The following AIF1 variants were observed in gnomAD, a reference collection of about 807,000 sequenced individuals.
AIF1 encodes interferon gamma responsive transcript.
A neutral mutation model predicts 20.6 loss-of-function variants in AIF1; 21 were observed. That is an observed-to-expected ratio of 1.02 (90% CI 0.72 to 1.47). AIF1 has a LOEUF of 1.47. Ranked by LOEUF, AIF1 falls within the 40% of genes most tolerant of loss-of-function variation. The pLI, the probability that AIF1 is intolerant of heterozygous loss-of-function variation, is 0.00. For synonymous variants in AIF1, 52 were observed against 65.8 expected (o/e 0.79, Z 1.01); for missense variants, 161 against 170.5 (o/e 0.94, Z 0.31).
chr6:31,615,655 T>C lies in AIF1; in HGVS notation c.88-15T>C. Reference sequence around the variant, plus strand: ...TGGGGAGGGCCTACCCTGGCTCTTATTTTCCCCTCCATAGCAATTCCTAGA... The same window carrying C: ...TGGGGAGGGCCTACCCTGGCTCTTACTTTCCCCTCCATAGCAATTCCTAGA... On this transcript the variant is annotated splice_polypyrimidine_tract_variant and intron_variant, in intron 2 of 5. Transcript: ENST00000376059. 6.2e-7 allele frequency: 1 copy of C among 1,613,092 alleles called. No homozygotes were observed. The highest frequency in any genetic ancestry group is 1.1e-5 in the South Asian group (1 of 91,004).
rs1188591854 is a variant in AIF1, at chr6:31,616,490, T to C, written c.343T>C (p.Ser115Pro). ...DFLRMMLGKR[S>P]AILKMILMYE... ...TCTCAGGATGATGCTGGGCAAGAGA[T>C]CTGCCATCCTAAAAATGTGAGTGTC... Residue 115 changes from serine to proline, a missense_variant, in exon 5 of 6, where the codon TCT becomes CCT. By Grantham distance (74) the Ser-to-Pro change is moderately conservative (BLOSUM62 -1). Coordinates refer to ENST00000376059, the MANE Select transcript of AIF1 (RefSeq NM_001623.5). This position sits in a 1 kb window ranked among gnomAD's most constrained non-coding sequence, Gnocchi z 4.0. 2 of 1,608,232 alleles carry C rather than the reference T, an allele frequency of 1.2e-6. No homozygotes were observed. The highest frequency in any genetic ancestry group is 8.5e-7 in the Non-Finnish European group (1 of 1,177,272).
In AIF1 at chr6:31,616,355, C is replaced by T. The variant is rs1774363764; in HGVS notation, c.208C>T (p.Leu70=). The change falls in exon 5 of 6, where the codon CTG becomes TTG. Residue 70 remains leucine (L), a synonymous_variant. Coordinates refer to ENST00000376059, the MANE Select transcript of AIF1 (RefSeq NM_001623.5). This position sits in a 1 kb window ranked among gnomAD's most constrained non-coding sequence, Gnocchi z 4.0. ...TCCTCTGCCCCCAGATATCATGTCC[C>T]TGAAACGAATGCTGGAGAAACTTGG... ...NGNGDIDIMS[L]KRMLEKLGVP... is the part of the protein sequence containing the mutation. The T allele has an allele frequency of 1.2e-6, 2 of 1,612,912 alleles. No homozygotes were observed. The highest frequency in any genetic ancestry group is 1.7e-6 in the Non-Finnish European group (2 of 1,180,024).
chr6:31,616,693 C>T lies in AIF1; in HGVS notation c.360-123C>T. The T allele has an allele frequency of 6.6e-7, 1 of 1,526,714 alleles. No homozygotes were observed. Among genetic ancestry groups the T allele is most frequent in the Non-Finnish European group, 8.8e-7 (1 of 1,133,398 alleles). 94.6% of individuals were successfully genotyped at this position (1,526,714 alleles called of 1,614,324 possible). A position where few individuals can be genotyped will look rare whatever the true frequency, so the allele number is the denominator to read the frequency against. On this transcript the variant is annotated intron_variant, in intron 5 of 5. Transcript: ENST00000376059. The surrounding 1 kb of genome is among the most constrained non-coding windows in gnomAD (Gnocchi z 4.0). ...TGGTCCCCAGAAACTCCAACCCCTG[C>T]CCTTCCTCTTCCCCCTTCCACCCTC...
In AIF1 at chr6:31,616,698, C is replaced by T. The variant is rs1774407538; in HGVS notation, c.360-118C>T. The T allele has an allele frequency of 2.1e-5, 32 of 1,534,896 alleles. No individual in the cohort carries two copies. In the South Asian group the frequency reaches 3.9e-4, roughly 19 times the overall value. On this transcript the variant is annotated intron_variant, in intron 5 of 5. Transcript: ENST00000376059. This position sits in a 1 kb window ranked among gnomAD's most constrained non-coding sequence, Gnocchi z 4.0. The stretch of plus-strand genomic sequence containing the variant: ...CCCAGAAACTCCAACCCCTGCCCTT[C>T]CTCTTCCCCCTTCCACCCTCACATC...
chr6:31,616,243 C>A lies in AIF1; in HGVS notation c.196+98C>A, dbSNP rs1774347145. 2 of 1,612,834 alleles carry A rather than the reference C, an allele frequency of 1.2e-6. No homozygotes were observed. The highest frequency in any genetic ancestry group is 1.7e-6 in the Non-Finnish European group (2 of 1,179,942). On this transcript the variant is annotated intron_variant, in intron 4 of 5. Coordinates refer to ENST00000376059, the MANE Select transcript of AIF1 (RefSeq NM_001623.5). This position sits in a 1 kb window ranked among gnomAD's most constrained non-coding sequence, Gnocchi z 4.0. ...CCATTCCTCATGATTTGGGAGGGGG[C>A]CCACCTACCACAGTGGGAGGAAGGA...
At position 31,616,681 on chromosome 6, in the gene AIF1, C is replaced by T. The variant is rs575047532; in HGVS notation, c.360-135C>T. Reference sequence around the variant, plus strand: ...TATCCATAGTCCTGGTCCCCAGAAACTCCAACCCCTGCCCTTCCTCTTCCC... The same window carrying T: ...TATCCATAGTCCTGGTCCCCAGAAATTCCAACCCCTGCCCTTCCTCTTCCC... On this transcript the variant is annotated intron_variant, in intron 5 of 5. Coordinates refer to ENST00000376059, the MANE Select transcript of AIF1 (RefSeq NM_001623.5). This position sits in a 1 kb window ranked among gnomAD's most constrained non-coding sequence, Gnocchi z 4.0. The T allele has an allele frequency of 4.0e-6, 6 of 1,510,262 alleles. No homozygotes were observed. In the Admixed American group the frequency reaches 1.1e-4, roughly 28 times the overall value. The allele number at this position is 1,510,262 out of a possible 1,614,324, so 93.6% of individuals were successfully genotyped here. A position where few individuals can be genotyped will look rare whatever the true frequency, so the allele number is the denominator to read the frequency against.
At position 31,615,874 on chromosome 6, in the gene AIF1, C is replaced by G. The variant is rs1774298036; in HGVS notation, c.154+138C>G. The G allele has an allele frequency of 3.3e-6, 5 of 1,497,890 alleles. No individual in the cohort carries two copies. The South Asian group carries it at 4.0e-5, about 12-fold the overall frequency. The allele number at this position is 1,497,890 out of a possible 1,614,324, so 92.8% of individuals were successfully genotyped here. On this transcript the variant is annotated intron_variant, in intron 3 of 5. Transcript: ENST00000376059. ...AAGGGGAACCTGCCTTTATTGCCCT[C>G]CTGCCACACTGCGGTCCCTTTCCCG... is the stretch of plus-strand genomic sequence containing the variant.
Position 31,616,868 on chromosome 6 carries a change from C to T in AIF1, c.412C>T (p.Pro138Ser), listed in dbSNP as rs1157860016. 6 of 1,614,186 alleles carry T rather than the reference C, an allele frequency of 3.7e-6. No homozygotes were observed. In the African/African-American group the frequency reaches 4.0e-5, roughly 11 times the overall value. ...AGAAAAGGAAAAGCCAACAGGCCCC[C>T]CAGCCAAGAAAGCTATCTCTGAGTT... ...AREKEKPTGP[P>S]AKKAISELP Residue 138 changes from proline to serine, a missense_variant, in exon 6 of 6, where the codon CCA (proline) becomes TCA (serine). By Grantham distance (74) the Pro-to-Ser change is moderately conservative (BLOSUM62 -1). Coordinates refer to ENST00000376059, the MANE Select transcript of AIF1 (RefSeq NM_001623.5). The surrounding 1 kb of genome is among the most constrained non-coding windows in gnomAD (Gnocchi z 4.0).
In AIF1 at chr6:31,616,510, A is replaced by G; in HGVS notation, c.359+4A>G. ...AGAGATCTGCCATCCTAAAAATGTG[A>G]GTGTCAATTTCCAACCTCCCCTGTA... On this transcript the variant is annotated splice_donor_region_variant and intron_variant, in intron 5 of 5. Transcript: ENST00000376059. This position sits in a 1 kb window ranked among gnomAD's most constrained non-coding sequence, Gnocchi z 4.0. 6.2e-7 allele frequency: 1 copy of G among 1,602,270 alleles called. No individual in the cohort carries two copies. The highest frequency in any genetic ancestry group is 8.5e-7 in the Non-Finnish European group (1 of 1,173,864).
Position 31,616,957 on chromosome 6 carries a change from A to C in AIF1, c.*57A>C. 2 of 1,604,532 alleles carry C rather than the reference A, an allele frequency of 1.2e-6. No individual in the cohort carries two copies. The highest frequency in any genetic ancestry group is 1.7e-6 in the Non-Finnish European group (2 of 1,174,458). ...GGGCTTCTAATGACCCAGATATGGA[A>C]ACAGAAGACAAAATTGTAAGCCAGA... On this transcript the variant is annotated 3_prime_UTR_variant, in exon 6 of 6. Transcript: ENST00000376059. This position sits in a 1 kb window ranked among gnomAD's most constrained non-coding sequence, Gnocchi z 4.0.
At position 31,615,577 on chromosome 6, in the gene AIF1, A is replaced by G. The variant is rs1056647411; in HGVS notation, c.82A>G (p.Asn28Asp). 6.2e-7 allele frequency: 1 copy of G among 1,613,774 alleles called. No individual in the cohort carries two copies. The highest frequency in any genetic ancestry group is 1.3e-5 in the African/African-American group (1 of 74,828). The change falls in exon 2 of 6, where the codon AAC (asparagine) becomes GAC (aspartate). Residue 28 changes from asparagine (N) to aspartate (D), a missense_variant. Transcript: ENST00000376059. ...AQQEERLDEI[N>D]KQFLDDPKYS... ...GCAGGAAGAGAGGCTGGATGAGATC[A>G]ACAAGGTAGAAGGAAGAACTAAGGG...
At position 31,615,368 on chromosome 6, in the gene AIF1, G is replaced by GGGGC; in HGVS notation, c.25+14_25+15insGGGC. On this transcript the variant is annotated intron_variant, in intron 1 of 5. Coordinates refer to ENST00000376059, the MANE Select transcript of AIF1 (RefSeq NM_001623.5). ...GGGATTTACAGGGTAGGGAGGGTGG[G>GGGGC]ATAGGCAGCGGCATTAGATCGGAGG... 6.6e-6 allele frequency: 6 copies of GGGGC among 905,604 alleles called. No homozygotes were observed. The highest frequency in any genetic ancestry group is 1.1e-5 in the Non-Finnish European group (6 of 562,194). 56.1% of individuals were successfully genotyped at this position (905,604 alleles called of 1,614,324 possible). A position where few individuals can be genotyped will look rare whatever the true frequency, so the allele number is the denominator to read the frequency against.
Position 31,616,315 on chromosome 6 carries a change from T to C in AIF1, c.197-29T>C, listed in dbSNP as rs767909273. The C allele has an allele frequency of 1.2e-6, 2 of 1,612,710 alleles. No homozygotes were observed. Among genetic ancestry groups the C allele is most frequent in the Non-Finnish European group, 1.7e-6 (2 of 1,179,962 alleles). Reference sequence around the variant, plus strand: ...AGAGGAGAGAGAGGGTCTCCCCACCTTCTCCCCATCCCCATCCTCTGCCCC... The same window carrying C: ...AGAGGAGAGAGAGGGTCTCCCCACCCTCTCCCCATCCCCATCCTCTGCCCC... On this transcript the variant is annotated intron_variant, in intron 4 of 5. Transcript: ENST00000376059. This position sits in a 1 kb window ranked among gnomAD's most constrained non-coding sequence, Gnocchi z 4.0.
rs2736182 is a variant in AIF1 at position 31,615,535 on chromosome 6, G to A, written c.40G>A (p.Gly14Arg). The A allele has an allele frequency of 0.037, 59,112 of 1,613,512 alleles. 2,789 individuals are homozygous for A. Among genetic ancestry groups the A allele is most frequent in the African/African-American group, 0.2 (14,908 of 74,776 alleles). Residue 14 changes from glycine to arginine, a missense_variant, in exon 2 of 6, where the codon GGA becomes AGA. Coordinates refer to ENST00000376059, the MANE Select transcript of AIF1 (RefSeq NM_001623.5). ...TRDLQGGKAF[G>R]LLKAQQEERL... The stretch of plus-strand genomic sequence containing the variant: ...TCACCCCACAGGAGGAAAAGCTTTC[G>A]GACTGCTGAAGGCCCAGCAGGAAGA...
Position 31,616,425 on chromosome 6 carries a change from T to C in AIF1, c.278T>C (p.Val93Ala). The change falls in exon 5 of 6, where the codon GTG (valine) becomes GCG (alanine). Residue 93 changes from valine to alanine, a missense_variant. Val to Ala is a moderately conservative substitution (Grantham distance 64, BLOSUM62 0). Transcript: ENST00000376059. The surrounding 1 kb of genome is among the most constrained non-coding windows in gnomAD (Gnocchi z 4.0). ...HLELKKLIGE[V>A]SSGSGETFSY... ...GAGCTAAAGAAATTAATTGGAGAGG[T>C]GTCCAGTGGCTCCGGGGAGACGTTC... is the stretch of plus-strand genomic sequence containing the variant. 1 of 1,612,850 alleles carries C rather than the reference T, an allele frequency of 6.2e-7. No individual in the cohort carries two copies. Among genetic ancestry groups the C allele is most frequent in the Admixed American group, 1.7e-5 (1 of 59,990 alleles).
Position 31,615,705 on chromosome 6 carries a change from G to A in AIF1, c.123G>A (p.Glu41=), listed in dbSNP as rs758948722. ...ACGATCCCAAATATAGCAGTGATGA[G>A]GATCTGCCCTCCAAACTGGAAGGCT... The part of the protein sequence containing the change: ...FLDDPKYSSD[E]DLPSKLEGFK... The change falls in exon 3 of 6, where the codon GAG becomes GAA. Residue 41 remains glutamate (E), a synonymous_variant. Transcript: ENST00000376059. The A allele has an allele frequency of 6.2e-7, 1 of 1,612,280 alleles. No homozygotes were observed. The highest frequency in any genetic ancestry group is 2.2e-5 in the East Asian group (1 of 44,856).
Position 31,615,439 on chromosome 6 carries a change from TG to T in AIF1, c.26-80del. On this transcript the variant is annotated intron_variant, in intron 1 of 5. Coordinates refer to ENST00000376059, the MANE Select transcript of AIF1 (RefSeq NM_001623.5). ...GCTGTGGGCTAGGAGGGCAGTCAGCTGGCCTAGGGTAGCCCGGGCTGGTGTC... is the reference window on the plus strand; with the variant it reads ...GCTGTGGGCTAGGAGGGCAGTCAGCTGCCTAGGGTAGCCCGGGCTGGTGTC... 3.1e-6 allele frequency: 5 copies of T among 1,613,454 alleles called. No individual in the cohort carries two copies. In the South Asian group the frequency reaches 5.5e-5, roughly 18 times the overall value.
intron 1 of AIF1, 34 bp downstream of exon 1, chr6:31,615,388 C>G (rs772575123): frequency 6.2e-7 from 1 of 1,613,076 alleles, no homozygotes; most frequent in Non-Finnish European, 8.5e-7. Flanking sequence ...GGCATTAGAT[C>G]GGAGGAATGA....
chr6:31,615,424 A>G (rs1246676203), intron 1 of AIF1, 70 bp downstream of exon 1: 1 of 1,613,476 alleles, frequency 6.2e-7, no homozygotes, highest in East Asian at 2.2e-5. Flanking sequence ...GCTGTGGGCT[A>G]GGAGGGCAGT....
Sources: gnomAD v4.1 joint callset for allele counts on GRCh38, gnomAD v4.1.1 for gene constraint, Gnocchi (gnomAD v3.1) non-coding constraint, MANE v1.5 for transcripts, NCBI Gene and HGNC (gene_info 2026-07-23, HGNC 2026-07-21) for gene names.